Variants in TRAF3IP1 observed in about 807,000 individuals in gnomAD.
TRAF3IP1 encodes TRAF3-interacting protein 1.
Under a neutral mutation model 89.9 loss-of-function variants are expected in TRAF3IP1, and 53 were observed. The ratio of observed to expected loss-of-function variants is 0.59; its 90% CI spans 0.47 to 0.74. TRAF3IP1 has a LOEUF of 0.74. Ranked by LOEUF, TRAF3IP1 falls within the 30% of genes least tolerant of loss-of-function variation. The pLI is 0.00. For missense variants in TRAF3IP1, 806 were observed against 866.1 expected, an observed-to-expected ratio of 0.93 and a Z score of 0.87; for synonymous variants, 311 against 322.1, an observed-to-expected ratio of 0.97 and a Z score of 0.37.
intron 7 of TRAF3IP1, among the ~76,000 whole-genome samples, chr2:238,336,629 TGC>T (rs1358481570): frequency 6.6e-6 from 1 of 152,200 alleles, no homozygotes; most frequent in East Asian, 1.9e-4. Context: ...TTCTAAGTAG[TGC>T]ATACAGAGCT....
At chr2:238,370,221 A>G (rs1336320535) in intron 15 of TRAF3IP1, among the ~76,000 whole-genome samples, 1 of 151,502 alleles carries the variant, frequency 6.6e-6, no homozygotes, top group Non-Finnish European at 1.5e-5. Flanking sequence ...GTGAACGTGT[A>G]TGTGTGTCTG....
chr2:238,330,955 A>G (rs1260029624), intron 5 of TRAF3IP1, among the ~76,000 whole-genome samples: 1 of 152,128 alleles, frequency 6.6e-6, no homozygotes, highest in Non-Finnish European at 1.5e-5. Flanking sequence ...GCTCCTTTTT[A>G]GAGGTGTAAG....
chr2:238,369,884 T>A (rs1337632523), intron 15 of TRAF3IP1, among the ~76,000 whole-genome samples: 1 of 152,204 alleles, frequency 6.6e-6, no homozygotes, highest in Non-Finnish European at 1.5e-5. Flanking sequence ...TGTAATCTCT[T>A]ACTGCCATGA....
chr2:238,329,829 T>C (rs1203877562), intron 5 of TRAF3IP1, among the ~76,000 whole-genome samples: 1 of 152,188 alleles, frequency 6.6e-6, no homozygotes. Context: ...AATTGATCAA[T>C]TGATGGTGGT....
intron 15 of TRAF3IP1, among the ~76,000 whole-genome samples, chr2:238,389,155 G>A (rs1700895676): frequency 6.6e-6 from 1 of 152,166 alleles, no homozygotes; most frequent in Non-Finnish European, 1.5e-5. Flanking sequence ...AGCGGTCAGA[G>A]GCCTCCATTC....
intron 14 of TRAF3IP1, among the ~76,000 whole-genome samples, chr2:238,353,684 A>G (rs821806): frequency 0.26 from 39,209 of 152,088 alleles, 6,136 homozygotes; most frequent in Middle Eastern, 0.45. Context: ...TGTTCTCACA[A>G]TATGACTTTG....
chr2:238,349,253 G>T, intron 11 of TRAF3IP1, 72 bp from the exon 12 acceptor site: 2 of 1,396,494 alleles, frequency 1.4e-6, no homozygotes, highest in East Asian at 2.4e-5. Flanking sequence ...CATTCACCTG[G>T]GCTTTCTTTT....
intron 15 of TRAF3IP1, among the ~76,000 whole-genome samples, chr2:238,359,979 G>C (rs1437895012): frequency 6.6e-6 from 1 of 152,068 alleles, no homozygotes; most frequent in Non-Finnish European, 1.5e-5. Flanking sequence ...TAAAATAAGG[G>C]TTACTTTAAC....
chr2:238,338,330 A>G (rs200355598), intron 7 of TRAF3IP1, 32 bp from the exon 8 acceptor site: 151 of 1,312,938 alleles, frequency 1.2e-4, no homozygotes, highest in Non-Finnish European at 1.5e-4. Context: ...CTTTTATAAT[A>G]TTTTAATCTG....
At chr2:238,354,640 T>A (rs1699325000) in intron 14 of TRAF3IP1, among the ~76,000 whole-genome samples, 2 of 151,998 alleles carry the variant, frequency 1.3e-5, no homozygotes, top group African/African-American at 4.8e-5. Context: ...TATTTTATTT[T>A]ATTTATTTTT....
chr2:238,341,026 TA>T (rs1187816404), intron 8 of TRAF3IP1, among the ~76,000 whole-genome samples: 1 of 151,962 alleles, frequency 6.6e-6, no homozygotes, highest in Non-Finnish European at 1.5e-5. Context: ...CCCGGCTTCT[TA>T]TGTGTATTTT....
At chr2:238,332,535 G>A (rs143642831) in intron 5 of TRAF3IP1, among the ~76,000 whole-genome samples, 6 of 152,228 alleles carry the variant, frequency 3.9e-5, no homozygotes, top group East Asian at 3.9e-4. Flanking sequence ...TCGGTGTGGC[G>A]TAGGGATTCG....
chr2:238,367,979 G>GAAA (rs11428849), intron 15 of TRAF3IP1, among the ~76,000 whole-genome samples: 3 of 147,560 alleles, frequency 2.0e-5, no homozygotes, highest in South Asian at 2.1e-4. Context: ...GCTTCCCTTT[G>GAAA]AAAAAAAAAA....
intron 10 of TRAF3IP1, 68 bp downstream of exon 10, chr2:238,347,543 ACT>A: frequency 6.6e-7 from 1 of 1,506,958 alleles, no homozygotes; most frequent in Admixed American, 1.7e-5. Context: ...GTGAATGTGG[ACT>A]CTCAGATTCA....
intron 5 of TRAF3IP1, among the ~76,000 whole-genome samples, chr2:238,332,544 C>T (rs1698177451): frequency 1.3e-5 from 2 of 152,072 alleles, no homozygotes; most frequent in Admixed American, 1.3e-4. Context: ...CGTAGGGATT[C>T]GTGTTCTGTG....
intron 15 of TRAF3IP1, among the ~76,000 whole-genome samples, chr2:238,365,962 C>A (rs1225710615): frequency 6.6e-6 from 1 of 152,100 alleles, no homozygotes; most frequent in Non-Finnish European, 1.5e-5. Flanking sequence ...AAATCAGACA[C>A]CGGCTGGGCG....
In TRAF3IP1 at chr2:238,329,282, G is replaced by A; in HGVS notation, c.855G>A (p.Gly285=). 1 of 1,485,052 alleles carries A rather than the reference G, an allele frequency of 6.7e-7. No individual in the cohort carries two copies. The highest frequency in any genetic ancestry group is 2.3e-5 in the East Asian group (1 of 43,076). 92.0% of individuals were successfully genotyped at this position (1,485,052 alleles called of 1,614,324 possible). ...KDRDRRRVKN[G]EHSWDLDREK... is the part of the protein sequence containing the mutation. ...GGGACAGACGGAGAGTGAAAAACGG[G>A]GAGCACTCCTGGGACCTGGACAGGG... The change falls in exon 5 of 17, where the codon GGG becomes GGA. Residue 285 remains glycine, a synonymous_variant. Coordinates refer to ENST00000373327, the MANE Select transcript of TRAF3IP1 (RefSeq NM_015650.4).
rs1357364279 is a variant in TRAF3IP1, at chr2:238,320,706, A to G, written c.44A>G (p.Lys15Arg). 7.0e-7 allele frequency: 1 copy of G among 1,438,674 alleles called. No homozygotes were observed. Among genetic ancestry groups the G allele is most frequent in the African/African-American group, 1.5e-5 (1 of 67,432 alleles). The allele number at this position is 1,438,674 out of a possible 1,614,324, so 89.1% of individuals were successfully genotyped here. ...AGGCGGACGCAGGAGGCGCTGGGGA[A>G]AGTGATTCGGAGGCCGCCGCTGACC... ...VVRRTQEALGKVIRRPPLTEK... is the reference protein window; with the variant it reads ...VVRRTQEALGRVIRRPPLTEK... Residue 15 changes from lysine (K) to arginine (R), a missense_variant, in exon 1 of 17, where the codon AAA becomes AGA. Physicochemically the swap from Lys to Arg is conservative, Grantham distance 26. Transcript: ENST00000373327.
chr2:238,344,542 A>G lies in TRAF3IP1; in HGVS notation c.1205A>G (p.Asn402Ser), dbSNP rs780286632. 2.6e-5 allele frequency: 42 copies of G among 1,614,092 alleles called. 1 individual carries two copies. Among genetic ancestry groups the G allele is most frequent in the Admixed American group, 1.0e-4 (6 of 60,008 alleles). The change falls in exon 9 of 17, where the codon AAT becomes AGT. Residue 402 changes from asparagine (N) to serine (S), a missense_variant. By Grantham distance (46) the Asn-to-Ser change is conservative. Coordinates refer to ENST00000373327, the MANE Select transcript of TRAF3IP1 (RefSeq NM_015650.4). Reference protein sequence around the residue: ...NINSTSISDDNSASLRCENIQ... With the variant: ...NINSTSISDDSSASLRCENIQ... ...AACTCAACTAGTATTTCAGATGATA[A>G]TTCAGCTAGTCTGCGGTGTGAGAAT...
Sources: gnomAD v4.1 joint callset for allele counts (sites outside exome capture counted in the v4.1 genomes callset) on GRCh38, gnomAD v4.1.1 for gene constraint, MANE v1.5 for transcripts, NCBI Gene and HGNC (gene_info 2026-07-23, HGNC 2026-07-21) for gene names.